The following EEF2K variants were observed in gnomAD, a reference collection of about 807,000 sequenced individuals.
EEF2K encodes alternative protein EEF2K.
A neutral mutation model predicts 93.8 loss-of-function variants in EEF2K; 70 were observed. The observed-to-expected ratio is 0.75, with a 90% CI of 0.62 to 0.91. The LOEUF (loss-of-function observed/expected upper bound fraction) is 0.91. Ranked by LOEUF, EEF2K falls within the 40% of genes least tolerant of loss-of-function variation. The pLI is 0.00. For missense variants in EEF2K, 935 were observed against 972.9 expected, an observed-to-expected ratio of 0.96 and a Z score of 0.52; for synonymous variants, 376 against 380.8, an observed-to-expected ratio of 0.99 and a Z score of 0.15.
At chr16:22,220,778 G>A (rs988489548) in intron 1 of EEF2K, among the ~76,000 whole-genome samples, 1 of 152,200 alleles carries the variant, frequency 6.6e-6, no homozygotes, top group African/African-American at 2.4e-5. Context: ...GAACTACACT[G>A]TCTGGAGGTC....
chr16:22,239,544 C>T (rs1396911914), intron 2 of EEF2K, among the ~76,000 whole-genome samples: 2 of 152,138 alleles, frequency 1.3e-5, no homozygotes, highest in East Asian at 1.9e-4. Context: ...GGCGTGGTGG[C>T]TCATGCCTGT....
Position 22,256,738 on chromosome 16 carries a change from A to C in EEF2K, c.619-10A>C, listed in dbSNP as rs762759374. The C allele has an allele frequency of 1.2e-5, 20 of 1,613,000 alleles. No individual in the cohort carries two copies. Among genetic ancestry groups the C allele is most frequent in the Non-Finnish European group, 1.6e-5 (19 of 1,179,642 alleles). On this transcript the variant is annotated splice_polypyrimidine_tract_variant and intron_variant, in intron 6 of 17. Transcript: ENST00000263026. ...GCCCTCCCGCCTGAGCCCACTCCCC[A>C]TCCCACCAGGTGGACATCATGCAGA...
At chr16:22,279,291 G>A (rs1186878893) in intron 16 of EEF2K, among the ~76,000 whole-genome samples, 1 of 148,808 alleles carries the variant, frequency 6.7e-6, no homozygotes, top group East Asian at 2.0e-4. Flanking sequence ...AGGCTGGAGT[G>A]CAGTGGCATG....
At chr16:22,274,259 G>A (rs989720314) in intron 16 of EEF2K, among the ~76,000 whole-genome samples, 2 of 152,028 alleles carry the variant, frequency 1.3e-5, no homozygotes, top group Non-Finnish European at 2.9e-5. Context: ...TGACCAACAT[G>A]GTGAAACCCC....
At chr16:22,276,151 G>A (rs1379794813) in intron 16 of EEF2K, among the ~76,000 whole-genome samples, 1 of 151,776 alleles carries the variant, frequency 6.6e-6, no homozygotes, top group Non-Finnish European at 1.5e-5. Context: ...TTGCTATGAT[G>A]CCCAGGCTGG....
At chr16:22,224,656 A>G (rs1041952672) in intron 1 of EEF2K, among the ~76,000 whole-genome samples, 2 of 123,212 alleles carry the variant, frequency 1.6e-5, no homozygotes, top group African/African-American at 8.5e-5. Flanking sequence ...AAGAAAAGAA[A>G]AGAAAAAGAA....
In EEF2K at chr16:22,257,621, G is replaced by C. The variant is rs117495958; in HGVS notation, c.902-22G>C. Reference sequence around the variant, plus strand: ...CGTCACAGAGCAAAGCAACACTCCAGACACCCCCGCTCTGTCCACAGGTGT... The same window carrying C: ...CGTCACAGAGCAAAGCAACACTCCACACACCCCCGCTCTGTCCACAGGTGT... On this transcript the variant is annotated intron_variant, in intron 8 of 17. Coordinates refer to ENST00000263026, the MANE Select transcript of EEF2K (RefSeq NM_013302.5). 3.4e-5 allele frequency: 55 copies of C among 1,610,288 alleles called. No homozygotes were observed. In the East Asian group the frequency reaches 5.1e-4, roughly 15 times the overall value.
At chr16:22,258,881 A>C (rs1253611905) in intron 10 of EEF2K, 186 bp downstream of exon 10, 11 of 682,464 alleles carry the variant, frequency 1.6e-5, no homozygotes. Flanking sequence ...CTATAAAAAC[A>C]ACCCCTATTG....
Position 22,257,316 on chromosome 16 carries a change from G to A in EEF2K, c.832G>A (p.Val278Ile). ...GCTGATAGTGGTGGACATCCAGGGAGTTGGGGATCTCTACACTGACCCACA... is the reference window on the plus strand; with the variant it reads ...GCTGATAGTGGTGGACATCCAGGGAATTGGGGATCTCTACACTGACCCACA... Reference protein sequence around the residue: ...HQLIVVDIQGVGDLYTDPQIH... With the variant: ...HQLIVVDIQGIGDLYTDPQIH... The change falls in exon 8 of 18, where the codon GTT (valine) becomes ATT (isoleucine). Residue 278 changes from valine to isoleucine, a missense_variant. Coordinates refer to ENST00000263026, the MANE Select transcript of EEF2K (RefSeq NM_013302.5). 2 of 1,613,208 alleles carry A rather than the reference G, an allele frequency of 1.2e-6. No homozygotes were observed. Among genetic ancestry groups the A allele is most frequent in the East Asian group, 2.2e-5 (1 of 44,812 alleles).
intron 1 of EEF2K, among the ~76,000 whole-genome samples, chr16:22,218,075 G>C (rs80185793): frequency 0.11 from 17,227 of 152,230 alleles, 1,178 homozygotes; most frequent in East Asian, 0.29. Flanking sequence ...AAAAGCCCCA[G>C]GTTTGCTGCA....
At chr16:22,247,809 T>C (rs2047310183) in intron 3 of EEF2K, among the ~76,000 whole-genome samples, 1 of 152,074 alleles carries the variant, frequency 6.6e-6, no homozygotes, top group Admixed American at 6.6e-5. Context: ...ATCACTCCTT[T>C]CTACCCGTAC....
At position 22,264,761 on chromosome 16, in the gene EEF2K, AG is replaced by A; in HGVS notation, c.1378-55del. ...GGAGGGCTGGACCAGCTCTCAGGAGAGGTTCCTGGGAAGAAGCTTGTCGCTT... is the reference window on the plus strand; with the variant it reads ...GGAGGGCTGGACCAGCTCTCAGGAGAGTTCCTGGGAAGAAGCTTGTCGCTT... On this transcript the variant is annotated intron_variant, in intron 12 of 17. Transcript: ENST00000263026. 1.9e-6 allele frequency: 3 copies of A among 1,592,064 alleles called. No individual in the cohort carries two copies. The South Asian group carries it at 3.3e-5, about 18-fold the overall frequency.
intron 5 of EEF2K, among the ~76,000 whole-genome samples, chr16:22,250,910 C>T (rs2047343406): frequency 6.6e-6 from 1 of 152,190 alleles, no homozygotes; most frequent in Non-Finnish European, 1.5e-5. Flanking sequence ...TACCTCTGCC[C>T]TGGTGTTGGG....
At chr16:22,247,772 A>G (rs11863609) in intron 3 of EEF2K, among the ~76,000 whole-genome samples, 53,971 of 152,032 alleles carry the variant, frequency 0.35, 10,614 homozygotes, top group East Asian at 0.85. Flanking sequence ...CTGGTTGTCC[A>G]TGACCCTTAT....
At position 22,250,692 on chromosome 16, in the gene EEF2K, G is replaced by C. The variant is rs200670923; in HGVS notation, c.446+1G>C. On this transcript the variant is annotated splice_donor_variant, in intron 5 of 17. Transcript: ENST00000263026. LOFTEE classifies it high-confidence loss of function. ...GAGCAATGAGGGAGTGCTTCCGGAC[G>C]TAAGTGACTCAGCCTGGCTCTTGGG... is the stretch of plus-strand genomic sequence containing the variant. 193 of 1,614,072 alleles carry C rather than the reference G, an allele frequency of 1.2e-4. No homozygotes were observed. The highest frequency in any genetic ancestry group is 1.5e-4 in the Non-Finnish European group (176 of 1,180,034).
chr16:22,258,915 AGT>A, intron 10 of EEF2K: 1 of 530,588 alleles, frequency 1.9e-6, no homozygotes, highest in Non-Finnish European at 3.2e-6. Context: ...AACTTTTATC[AGT>A]GTGTTTTATG....
At chr16:22,268,628 G>A (rs149628663) in intron 15 of EEF2K, among the ~76,000 whole-genome samples, 1,931 of 151,010 alleles carry the variant, frequency 0.013, 15 homozygotes, top group Middle Eastern at 0.02. Flanking sequence ...CACCATGCCC[G>A]ACCAAAGAAG....
rs993465042 is a variant in EEF2K, at chr16:22,251,340, C to T, written c.618+18C>T. ...CCAAGCAGGTGCGTGGCCCCACTAC[C>T]TGCCCCCTTTCCATGCCAGGGCAGC... is the stretch of plus-strand genomic sequence containing the variant. On this transcript the variant is annotated intron_variant, in intron 6 of 17. Coordinates refer to ENST00000263026, the MANE Select transcript of EEF2K (RefSeq NM_013302.5). The T allele has an allele frequency of 6.2e-7, 1 of 1,612,878 alleles. No homozygotes were observed. Among genetic ancestry groups the T allele is most frequent in the Admixed American group, 1.7e-5 (1 of 59,906 alleles).
intron 2 of EEF2K, among the ~76,000 whole-genome samples, chr16:22,226,325 CTTTTTTTTTTTTT>C (rs935058417): frequency 4.7e-5 from 3 of 63,670 alleles, no homozygotes; most frequent in South Asian, 5.4e-4. Flanking sequence ...AGGTGCTGTT[CTTTTTTTTTTTTT>C]TTTTTTTTTT....
Sources: allele counts gnomAD v4.1 joint callset (sites outside exome capture counted in the v4.1 genomes callset), GRCh38; gene constraint gnomAD v4.1.1; transcripts MANE v1.5; gene names NCBI Gene and HGNC (gene_info 2026-07-23, HGNC 2026-07-21).